Variants in DGAT1 observed in about 807,000 individuals in gnomAD.
DGAT1 encodes ACAT related gene product 1.
Under a neutral mutation model 72.6 loss-of-function variants are expected in DGAT1, and 60 were observed. The observed-to-expected ratio is 0.83, with a 90% confidence interval of 0.67 to 1.02. The LOEUF is 1.02. Ranked by LOEUF, DGAT1 falls within the 50% of genes least tolerant of loss-of-function variation. DGAT1 has a pLI of 0.00. For missense variants in DGAT1, 592 were observed against 670.0 expected (o/e 0.88, Z 1.29); for synonymous variants, 290 against 267.5 (o/e 1.08, Z -0.82).
Position 144,316,045 on chromosome 8 carries a change from G to T in DGAT1, c.*509C>A. The T allele has an allele frequency of 1.9e-6, 1 of 535,998 alleles. No homozygotes were observed. The highest frequency in any genetic ancestry group is 2.4e-6 in the Non-Finnish European group (1 of 417,342). 33.2% of individuals were successfully genotyped at this position (535,998 alleles called of 1,614,324 possible). A position where few individuals can be genotyped will look rare whatever the true frequency, so the allele number is the denominator to read the frequency against. On this transcript the variant is annotated 3_prime_UTR_variant, in exon 17 of 17. Coordinates refer to ENST00000528718, the MANE Select transcript of DGAT1 (RefSeq NM_012079.6). The stretch of plus-strand genomic sequence containing the variant: ...ACTGAGGGCCAGAGTGCCGATTCCC[G>T]CACACCCAGCAGGAGTAGCACCAGG...
rs2130551154 is a variant in DGAT1, at chr8:144,326,548, T to C, written c.89A>G (p.Glu30Gly). 3 of 1,266,630 alleles carry C rather than the reference T, an allele frequency of 2.4e-6. 1 individual carries two copies. The Admixed American group carries it at 1.2e-4, about 52-fold the overall frequency. The allele number at this position is 1,266,630 out of a possible 1,614,324, so 78.5% of individuals were successfully genotyped here. A position where few individuals can be genotyped will look rare whatever the true frequency, so the allele number is the denominator to read the frequency against. Residue 30 changes from glutamate to glycine, a missense_variant, in exon 1 of 17, where the codon GAG (glutamate) becomes GGG (glycine). Transcript: ENST00000528718. ...GGGGCCCGCAGCGGCGTCCCGCACC[T>C]CCTCTTCCGCCGCCGCAGGCCCGCC... ...GGGGPAAAEEEVRDAAAGPDV... is the reference protein window; with the variant it reads ...GGGGPAAAEEGVRDAAAGPDV...
Position 144,326,611 on chromosome 8 carries a change from C to G in DGAT1, c.26G>C (p.Arg9Pro). 8.3e-7 allele frequency: 1 copy of G among 1,209,536 alleles called. No homozygotes were observed. Among genetic ancestry groups the G allele is most frequent in the Non-Finnish European group, 1.0e-6 (1 of 973,740 alleles). The allele number at this position is 1,209,536 out of a possible 1,614,324, so 74.9% of individuals were successfully genotyped here. Residue 9 changes from arginine to proline, a missense_variant, in exon 1 of 17, where the codon CGC becomes CCC. Coordinates refer to ENST00000528718, the MANE Select transcript of DGAT1 (RefSeq NM_012079.6). Reference sequence around the variant, plus strand: ...CGAGGGCCGCGACCCTGTCCTCCGGCGCCGGGAGCTGCCGCGGTCGCCCAT... The same window carrying G: ...CGAGGGCCGCGACCCTGTCCTCCGGGGCCGGGAGCTGCCGCGGTCGCCCAT... MGDRGSSR[R>P]RRTGSRPSSH... is the part of the protein sequence containing the mutation.
rs369376240 is a variant in DGAT1, at chr8:144,316,869, G to A, written c.1295C>T (p.Thr432Met). The change falls in exon 16 of 17, where the codon ACG becomes ATG. Residue 432 changes from threonine (T) to methionine (M), a missense_variant. Physicochemically the swap from Thr to Met is moderately conservative, Grantham distance 81. Coordinates refer to ENST00000528718, the MANE Select transcript of DGAT1 (RefSeq NM_012079.6). ...GTCACTCACCTGAGCCATCATGCCC[G>A]TGAACGCCCAGAGGCGGAACATTCG... ...PLRMFRLWAF[T>M]GMMAQIPLAW... 38 of 1,610,840 alleles carry A rather than the reference G, an allele frequency of 2.4e-5. No individual in the cohort carries two copies. Among genetic ancestry groups the A allele is most frequent in the Middle Eastern group, 1.6e-4 (1 of 6,082 alleles).
At chr8:144,322,733 T>C (rs1424344894) in intron 1 of DGAT1, among the ~76,000 whole-genome samples, 3 of 152,132 alleles carry the variant, frequency 2.0e-5, no homozygotes, top group African/African-American at 7.2e-5. Flanking sequence ...CCATCTAGAC[T>C]GGAACACAGG....
rs183803170 is a variant in DGAT1 at position 144,324,439 on chromosome 8, C to A, written c.200+1998G>T. Reference sequence around the variant, plus strand: ...GAGCCCAGTGTCCACAGCCAGTGGCCGAGCCCTGCTGCATCCCTAGGTCTG... The same window carrying A: ...GAGCCCAGTGTCCACAGCCAGTGGCAGAGCCCTGCTGCATCCCTAGGTCTG... On this transcript the variant is annotated intron_variant, in intron 1 of 16. Coordinates refer to ENST00000528718, the MANE Select transcript of DGAT1 (RefSeq NM_012079.6). Among the ~76,000 whole-genome samples the A allele has an allele frequency of 1.3e-4, 20 of 152,272 alleles. No individual in the cohort carries two copies. In the East Asian group the frequency reaches 3.9e-3, roughly 29 times the overall value.
Position 144,326,709 on chromosome 8 carries a change from A to G in DGAT1, c.-73T>C. 9.1e-7 allele frequency: 1 copy of G among 1,104,018 alleles called. No individual in the cohort carries two copies. Among genetic ancestry groups the G allele is most frequent in the Non-Finnish European group, 1.1e-6 (1 of 902,996 alleles). 68.4% of individuals were successfully genotyped at this position (1,104,018 alleles called of 1,614,324 possible). ...CGTAGCGCCCGAGGCGCGCGGCCCC[A>G]CCTCCGGGCCCTAGACAACGGCCGC... On this transcript the variant is annotated 5_prime_UTR_variant, in exon 1 of 17. Transcript: ENST00000528718.
intron 2 of DGAT1, 60 bp downstream of exon 2, chr8:144,321,261 C>T: frequency 6.5e-7 from 1 of 1,540,124 alleles, no homozygotes; most frequent in East Asian, 2.2e-5. Flanking sequence ...AGGCAAAGGC[C>T]AGCCTGGGAC....
Position 144,316,624 on chromosome 8 carries a change from G to T in DGAT1, c.1397C>A (p.Pro466Gln). The stretch of plus-strand genomic sequence containing the variant: ...GTGGACGTACATGAGGACGGCTATT[G>T]GCTGTCCGATGATGAGCGACAGCCA... ...AVWLSLIIGQPIAVLMYVHDY... is the reference protein window; with the variant it reads ...AVWLSLIIGQQIAVLMYVHDY... Residue 466 changes from proline (P) to glutamine (Q), a missense_variant, in exon 17 of 17, where the codon CCA becomes CAA. Physicochemically the swap from Pro to Gln is moderately conservative, Grantham distance 76. Transcript: ENST00000528718. The T allele has an allele frequency of 6.2e-7, 1 of 1,608,782 alleles. No homozygotes were observed. Among genetic ancestry groups the T allele is most frequent in the Non-Finnish European group, 8.5e-7 (1 of 1,178,400 alleles).
In DGAT1 at chr8:144,316,457, A is replaced by C; in HGVS notation, c.*97T>G. On this transcript the variant is annotated 3_prime_UTR_variant, in exon 17 of 17. Coordinates refer to ENST00000528718, the MANE Select transcript of DGAT1 (RefSeq NM_012079.6). ...CTGGGACCAGAGGAGGATGCTGTGC[A>C]GCCAGGCCCATCCCCAGCACTCGAG... is the stretch of plus-strand genomic sequence containing the variant. The C allele has an allele frequency of 7.0e-7, 1 of 1,421,082 alleles. No homozygotes were observed. Among genetic ancestry groups the C allele is most frequent in the Non-Finnish European group, 9.4e-7 (1 of 1,063,922 alleles). 88.0% of individuals were successfully genotyped at this position (1,421,082 alleles called of 1,614,324 possible).
In DGAT1 at chr8:144,314,624, T is replaced by C; in HGVS notation, c.*1930A>G. 4.2e-6 allele frequency: 2 copies of C among 480,892 alleles called. No individual in the cohort carries two copies. Among genetic ancestry groups the C allele is most frequent in the Non-Finnish European group, 7.6e-6 (2 of 263,392 alleles). The allele number at this position is 480,892 out of a possible 1,614,324, so 29.8% of individuals were successfully genotyped here. A position where few individuals can be genotyped will look rare whatever the true frequency, so the allele number is the denominator to read the frequency against. ...ATTGTATTTTGGATTTTTACACAAC[T>C]GTCCCGTTCCCCGCTCCACAGAGAT... On this transcript the variant is annotated 3_prime_UTR_variant, in exon 17 of 17. Transcript: ENST00000528718.
Position 144,316,127 on chromosome 8 carries a change from TGC to T in DGAT1, c.*425_*426del. The T allele has an allele frequency of 4.9e-6, 1 of 203,068 alleles. No individual in the cohort carries two copies. Among genetic ancestry groups the T allele is most frequent in the Non-Finnish European group, 9.5e-6 (1 of 104,900 alleles). 12.6% of individuals were successfully genotyped at this position (203,068 alleles called of 1,614,324 possible). On this transcript the variant is annotated 3_prime_UTR_variant, in exon 17 of 17. Coordinates refer to ENST00000528718, the MANE Select transcript of DGAT1 (RefSeq NM_012079.6). ...GGGGAGTGTGGGGAATGGGGGCGTC[TGC>T]CTGGCCTTGCACTCCCCCTACCGGC...
intron 5 of DGAT1, 40 bp from the exon 6 acceptor site, chr8:144,318,606 G>T: frequency 6.2e-7 from 1 of 1,605,500 alleles, no homozygotes; most frequent in Non-Finnish European, 8.5e-7. Context: ...GGCTCCCATT[G>T]CCTGGGAGAG....
chr8:144,322,257 C>CT (rs1366553315), intron 1 of DGAT1, among the ~76,000 whole-genome samples: 2 of 152,104 alleles, frequency 1.3e-5, no homozygotes, highest in Non-Finnish European at 2.9e-5. Context: ...GCCAGGCCCC[C>CT]ACACGTCCTA....
rs781838563 is a variant in DGAT1, at chr8:144,318,685, G to A, written c.468+14C>T. ...GCAGGGTGAGCACACACGGAGGTGA[G>A]GGGCACTGCTTACCACCGCCAGGCG... is the stretch of plus-strand genomic sequence containing the variant. On this transcript the variant is annotated intron_variant, in intron 5 of 16. Coordinates refer to ENST00000528718, the MANE Select transcript of DGAT1 (RefSeq NM_012079.6). 5.6e-6 allele frequency: 9 copies of A among 1,608,882 alleles called. 1 individual carries two copies. In the East Asian group the frequency reaches 1.6e-4, roughly 28 times the overall value.
intron 2 of DGAT1, among the ~76,000 whole-genome samples, chr8:144,320,015 G>A (rs1187500343): frequency 2.0e-5 from 3 of 152,226 alleles, no homozygotes; most frequent in Non-Finnish European, 2.9e-5. Flanking sequence ...GCCTCCCCCG[G>A]CCGCAGGGCT....
intron 3 of DGAT1, 34 bp from the exon 4 acceptor site, chr8:144,318,954 G>A (rs782669588): frequency 6.4e-7 from 1 of 1,565,360 alleles, no homozygotes; most frequent in East Asian, 2.3e-5. Flanking sequence ...TGAGTGGGTG[G>A]CAGGTGGGGC....
intron 1 of DGAT1, among the ~76,000 whole-genome samples, chr8:144,322,545 G>A (rs549077793): frequency 6.6e-6 from 1 of 152,332 alleles, no homozygotes; most frequent in South Asian, 2.1e-4. Flanking sequence ...AGACGGCCCT[G>A]CCCAGGAGGC....
chr8:144,318,462 T>C lies in DGAT1; in HGVS notation c.573A>G (p.Pro191=), dbSNP rs782446799. The stretch of plus-strand genomic sequence containing the variant: ...GGGCAGGGTGGGATGGGGGCGCACC[T>C]GGAGTGATAGACTCAACCAGTAAGA... ...AVVLLVESIT[P]VGSLLALMAH... is the part of the protein sequence containing the mutation. The change falls in exon 6 of 17, where the codon CCA becomes CCG. Residue 191 remains proline (P), a splice_region_variant and synonymous_variant. Coordinates refer to ENST00000528718, the MANE Select transcript of DGAT1 (RefSeq NM_012079.6). 6.2e-7 allele frequency: 1 copy of C among 1,610,926 alleles called. No individual in the cohort carries two copies. The highest frequency in any genetic ancestry group is 1.7e-5 in the Admixed American group (1 of 59,746).
chr8:144,315,478 T>G lies in DGAT1; in HGVS notation c.*1076A>C. 2 of 985,608 alleles carry G rather than the reference T, an allele frequency of 2.0e-6. No individual in the cohort carries two copies. The highest frequency in any genetic ancestry group is 2.4e-6 in the Non-Finnish European group (2 of 830,042). The allele number at this position is 985,608 out of a possible 1,614,324, so 61.1% of individuals were successfully genotyped here. ...AACACCTGCCTTGTTGGGCCATAGCTGCAGGTCTGGGGACACCAGGGCCTG... is the reference window on the plus strand; with the variant it reads ...AACACCTGCCTTGTTGGGCCATAGCGGCAGGTCTGGGGACACCAGGGCCTG... On this transcript the variant is annotated 3_prime_UTR_variant, in exon 17 of 17. Coordinates refer to ENST00000528718, the MANE Select transcript of DGAT1 (RefSeq NM_012079.6).
Sources: allele counts gnomAD v4.1 joint callset (sites outside exome capture counted in the v4.1 genomes callset), GRCh38; gene constraint gnomAD v4.1.1; transcripts MANE v1.5; gene names NCBI Gene and HGNC (gene_info 2026-07-23, HGNC 2026-07-21).